Variants in BAZ2B observed in about 807,000 individuals in gnomAD.
The protein encoded by BAZ2B is bromodomain adjacent to zinc finger domain 2B.
Under a neutral mutation model 246.0 loss-of-function variants are expected in BAZ2B, and 91 were observed. The observed-to-expected ratio is 0.37, with a 90% confidence interval of 0.31 to 0.44. The LOEUF (loss-of-function observed/expected upper bound fraction) is 0.44. Among genes scored for constraint, BAZ2B ranks in the 20% least tolerant of loss-of-function variants. The pLI is 1.00. For missense variants in BAZ2B, 2,332 were observed against 2,533.7 expected (o/e 0.92, Z 1.71); for synonymous variants, 855 against 860.0 (o/e 0.99, Z 0.10).
At chr2:159,400,546 C>T (rs2064828926) in intron 17 of BAZ2B, 53 bp downstream of exon 17, 2 of 1,163,172 alleles carry the variant, frequency 1.7e-6, no homozygotes. Context: ...TTTTTGCAGA[C>T]TTAAAAATAT....
chr2:159,390,310 T>G (rs1313803593), intron 20 of BAZ2B, among the ~76,000 whole-genome samples: 1 of 152,118 alleles, frequency 6.6e-6, no homozygotes, highest in Non-Finnish European at 1.5e-5. Context: ...AGACTCTTCT[T>G]TTCTAATCTT....
chr2:159,458,319 A>T (rs1471638971), intron 3 of BAZ2B: 1 of 141,240 alleles, frequency 7.1e-6, no homozygotes, highest in South Asian at 2.3e-4. Flanking sequence ...TTTCTTTTCT[A>T]TTCTTTCTTT....
intron 16 of BAZ2B, among the ~76,000 whole-genome samples, chr2:159,400,881 ATATT>A (rs2064923976): frequency 6.6e-6 from 1 of 152,030 alleles, no homozygotes; most frequent in Non-Finnish European, 1.5e-5. Context: ...TCTACTAAAA[ATATT>A]TAAAAAAAAT....
intron 2 of BAZ2B, among the ~76,000 whole-genome samples, chr2:159,535,320 A>C (rs1369220931): frequency 7.0e-6 from 1 of 143,332 alleles, no homozygotes; most frequent in Non-Finnish European, 1.5e-5. Flanking sequence ...TCAGGAGTTC[A>C]AGACCAGCCT....
chr2:159,547,990 T>C (rs2087617213), intron 2 of BAZ2B, among the ~76,000 whole-genome samples: 1 of 152,222 alleles, frequency 6.6e-6, no homozygotes, highest in Non-Finnish European at 1.5e-5. Flanking sequence ...CATTAATTGT[T>C]AAATGTTAAA....
At chr2:159,574,966 T>A (rs184774302) in intron 1 of BAZ2B, among the ~76,000 whole-genome samples, 1 of 148,952 alleles carries the variant, frequency 6.7e-6, no homozygotes, top group African/African-American at 2.5e-5. Context: ...CAAGACTCCA[T>A]CTCAAAAAAA....
chr2:159,325,110 AT>A lies in BAZ2B; in HGVS notation c.6210-157del, dbSNP rs2063451632. ...ATATATATTATATATATATATATAT[AT>A]ATATTTTATATATATATATATATAT... is the stretch of plus-strand genomic sequence containing the variant. On this transcript the variant is annotated intron_variant, in intron 35 of 36. Transcript: ENST00000392783. Among the ~76,000 whole-genome samples the A allele has an allele frequency of 3.6e-4, 2 of 5,630 alleles. 1 individual carries two copies. The highest frequency in any genetic ancestry group is 1.6e-3 in the African/African-American group (2 of 1,222). The allele number at this position is 5,630 out of a possible 152,430, so 3.7% of individuals were successfully genotyped here.
At chr2:159,441,996 T>TG (rs2073493743) in intron 6 of BAZ2B, among the ~76,000 whole-genome samples, 1 of 152,202 alleles carries the variant, frequency 6.6e-6, no homozygotes, top group African/African-American at 2.4e-5. Context: ...CTCAAGTCTC[T>TG]GGGGATACAA....
chr2:159,379,930 T>C (rs1318205462), intron 25 of BAZ2B, among the ~76,000 whole-genome samples: 1 of 152,128 alleles, frequency 6.6e-6, no homozygotes, highest in Non-Finnish European at 1.5e-5. Flanking sequence ...AGCATTCTTT[T>C]CTGATAAAAG....
At chr2:159,653,292 G>C in the BAZ2B span, among the ~76,000 whole-genome samples, 2 of 152,012 alleles carry the variant, frequency 1.3e-5, no homozygotes, top group Non-Finnish European at 2.9e-5. Flanking sequence ...TAAAAATTCT[G>C]TAAGAATTTT....
At chr2:159,642,552 T>C in the BAZ2B span, among the ~76,000 whole-genome samples, 1 of 152,152 alleles carries the variant, frequency 6.6e-6, no homozygotes, top group Non-Finnish European at 1.5e-5. Context: ...ACATTCTTAA[T>C]AACTAATGGG....
chr2:159,344,997 G>T (rs1415065347), intron 31 of BAZ2B, among the ~76,000 whole-genome samples: 1 of 152,094 alleles, frequency 6.6e-6, no homozygotes, highest in Non-Finnish European at 1.5e-5. Flanking sequence ...ATGATCTGAG[G>T]TCGGGAGTTT....
intron 2 of BAZ2B, among the ~76,000 whole-genome samples, chr2:159,504,895 T>C (rs774094233): frequency 1.9e-4 from 29 of 152,342 alleles, no homozygotes; most frequent in Non-Finnish European, 3.5e-4. Context: ...GGTTCTCTAG[T>C]TCAATCTGTA....
rs751221469 is a variant in BAZ2B at position 159,382,716 on chromosome 2, G to A, written c.3848C>T (p.Thr1283Ile). 1.9e-6 allele frequency: 3 copies of A among 1,613,552 alleles called. No individual in the cohort carries two copies. The South Asian group carries it at 3.3e-5, about 18-fold the overall frequency. ...TCTTCGCTTGCGTCCTGGAGTGGGT[G>A]TGCCCAAGGGATGCTGCTCTTCTCC... is the stretch of plus-strand genomic sequence containing the variant. ...DLGEEQHPLG[T>I]PTPGRKRRRK... is the part of the protein sequence containing the mutation. Residue 1283 changes from threonine to isoleucine, a missense_variant, in exon 25 of 37, where the codon ACA becomes ATA. Thr to Ile is a moderately conservative substitution (Grantham distance 89, BLOSUM62 -1). Transcript: ENST00000392783.
At chr2:159,578,127 A>G (rs565784582) in intron 1 of BAZ2B, among the ~76,000 whole-genome samples, 1 of 152,310 alleles carries the variant, frequency 6.6e-6, no homozygotes, top group Admixed American at 6.5e-5. Context: ...TCTTATTTGA[A>G]TTCAGGAAAG....
intron 1 of BAZ2B, among the ~76,000 whole-genome samples, chr2:159,593,701 T>A (rs1362493422): frequency 6.6e-6 from 1 of 152,204 alleles, no homozygotes; most frequent in African/African-American, 2.4e-5. Context: ...ATCTACTCTA[T>A]AAACGCTACC....
intron 21 of BAZ2B, among the ~76,000 whole-genome samples, chr2:159,387,218 G>A (rs1157073780): frequency 1.3e-5 from 2 of 152,054 alleles, no homozygotes; most frequent in Non-Finnish European, 2.9e-5. Context: ...GCAACTAAAG[G>A]TCTTTAGGTT....
At chr2:159,667,475 A>C in the BAZ2B span, among the ~76,000 whole-genome samples, 11 of 152,150 alleles carry the variant, frequency 7.2e-5, no homozygotes, top group African/African-American at 2.4e-4. Context: ...ACATGCCTGT[A>C]ATTCAAGCTA....
In BAZ2B at chr2:159,459,368, AC is replaced by A. The variant is rs2076152667; in HGVS notation, c.146-5568del. On this transcript the variant is annotated intron_variant, in intron 3 of 36. Coordinates refer to ENST00000392783, the MANE Select transcript of BAZ2B (RefSeq NM_013450.4). Reference sequence around the variant, plus strand: ...ACTCTTCTTTTAAAAGGCTAGAATAACCGGAAATTATTCTTTAAATGATTAA... The same window carrying A: ...ACTCTTCTTTTAAAAGGCTAGAATAACGGAAATTATTCTTTAAATGATTAA... The A allele has an allele frequency of 3.3e-5, 5 of 152,336 alleles. 1 individual carries two copies. In the South Asian group the frequency reaches 1.0e-3, roughly 32 times the overall value. The allele number at this position is 152,336 out of a possible 1,614,324, so 9.4% of individuals were successfully genotyped here.
Sources: allele counts gnomAD v4.1 joint callset (sites outside exome capture counted in the v4.1 genomes callset), GRCh38; gene constraint gnomAD v4.1.1; transcripts MANE v1.5; gene names NCBI Gene and HGNC (gene_info 2026-07-23, HGNC 2026-07-21).